TNFAIP8: variants seen among roughly 807,000 people sequenced by gnomAD.
The protein encoded by TNFAIP8 is TNF alpha induced protein 8.
TNFAIP8 carries 7 observed loss-of-function variants against 13.3 expected under a neutral mutation model. The observed-to-expected ratio is 0.52, with a 90% CI of 0.30 to 0.99. The LOEUF is 0.99. Among genes scored for constraint, TNFAIP8 ranks in the 50% least tolerant of loss-of-function variants. TNFAIP8 has a pLI of 0.07. For missense variants in TNFAIP8, 258 were observed against 236.9 expected (o/e 1.09, Z -0.58); for synonymous variants, 94 against 87.6 (o/e 1.07, Z -0.41).
chr5:119,320,571 C>T (rs1750024977), intron 1 of TNFAIP8, among the ~76,000 whole-genome samples: 1 of 152,156 alleles, frequency 6.6e-6, no homozygotes, highest in Non-Finnish European at 1.5e-5. Context: ...CTGTTAAGGT[C>T]ACCAAAGACC....
chr5:119,314,599 G>A (rs749556355), intron 1 of TNFAIP8, among the ~76,000 whole-genome samples: 7 of 152,240 alleles, frequency 4.6e-5, no homozygotes, highest in Non-Finnish European at 1.0e-4. Flanking sequence ...AGGTGGTAGA[G>A]TTGAGTTCAT....
At chr5:119,296,351 G>C (rs1347483203) in intron 1 of TNFAIP8, among the ~76,000 whole-genome samples, 1 of 151,846 alleles carries the variant, frequency 6.6e-6, no homozygotes. Context: ...GTTGAATTTT[G>C]TCAAAGGCCT....
chr5:119,288,711 C>T (rs546456861), intron 1 of TNFAIP8, among the ~76,000 whole-genome samples: 115 of 152,324 alleles, frequency 7.5e-4, no homozygotes, highest in African/African-American at 2.6e-3. Flanking sequence ...GGATCAATCT[C>T]TAACCTCTTT....
intron 1 of TNFAIP8, among the ~76,000 whole-genome samples, chr5:119,282,092 A>G (rs770920281): frequency 6.6e-6 from 1 of 152,220 alleles, no homozygotes; most frequent in Non-Finnish European, 1.5e-5. Context: ...ATATCATTTC[A>G]TTCAGTCAAC....
chr5:119,268,974 G>T, intron 1 of TNFAIP8: 1 of 652,212 alleles, frequency 1.5e-6, no homozygotes, highest in Admixed American at 2.4e-5. Flanking sequence ...GCTGGGCTGC[G>T]GGCTGCTCTC....
intron 1 of TNFAIP8, among the ~76,000 whole-genome samples, chr5:119,275,371 T>C (rs1052501397): frequency 1.3e-5 from 2 of 152,148 alleles, no homozygotes; most frequent in Admixed American, 1.3e-4. Flanking sequence ...AAATCCAGTA[T>C]GCCAGCTGAC....
At chr5:119,335,159 T>C (rs1472513432) in intron 1 of TNFAIP8, among the ~76,000 whole-genome samples, 1 of 152,188 alleles carries the variant, frequency 6.6e-6, no homozygotes, top group Non-Finnish European at 1.5e-5. Context: ...CCTGACCATG[T>C]TGCCATCTAG....
chr5:119,348,389 G>A (rs1247406883), intron 1 of TNFAIP8, among the ~76,000 whole-genome samples: 1 of 152,184 alleles, frequency 6.6e-6, no homozygotes, highest in Non-Finnish European at 1.5e-5. Context: ...GGTTAGAGTG[G>A]AAATAATTTG....
rs902014091 is a variant in TNFAIP8, at chr5:119,397,349, A to T, written c.*3968A>T. 4 of 152,246 alleles carry T rather than the reference A, an allele frequency of 2.6e-5. No individual in the cohort carries two copies. Among genetic ancestry groups the T allele is most frequent in the Non-Finnish European group, 5.9e-5 (4 of 68,050 alleles). 9.4% of individuals were successfully genotyped at this position (152,246 alleles called of 1,614,324 possible). ...CAAATGATGAAATATTTGTAGTAAA[A>T]AGTGCTATTCAATTGCCAGGAAATT... is the stretch of plus-strand genomic sequence containing the variant. On this transcript the variant is annotated 3_prime_UTR_variant, in exon 2 of 2. Coordinates refer to ENST00000504771, the MANE Select transcript of TNFAIP8 (RefSeq NM_014350.4).
intron 1 of TNFAIP8, among the ~76,000 whole-genome samples, chr5:119,320,509 A>G (rs755365893): frequency 1.3e-5 from 2 of 151,910 alleles, no homozygotes; most frequent in South Asian, 2.1e-4. Context: ...GGTGTGTACA[A>G]TCTCCCCTTC....
At chr5:119,273,983 A>C (rs2150799539) in intron 1 of TNFAIP8, among the ~76,000 whole-genome samples, 2 of 152,270 alleles carry the variant, frequency 1.3e-5, no homozygotes, top group South Asian at 4.1e-4. Flanking sequence ...CCTCATTCCT[A>C]ACTCTTATTT....
intron 1 of TNFAIP8, among the ~76,000 whole-genome samples, chr5:119,374,752 G>C (rs1752217461): frequency 6.6e-6 from 1 of 152,186 alleles, no homozygotes; most frequent in Non-Finnish European, 1.5e-5. Context: ...TGGCCGGGGG[G>C]CTAATTGGAG....
At chr5:119,376,665 A>G (rs1488212255) in intron 1 of TNFAIP8, among the ~76,000 whole-genome samples, 2 of 152,070 alleles carry the variant, frequency 1.3e-5, no homozygotes, top group East Asian at 3.9e-4. Context: ...GGAATAAACA[A>G]TAAATTGTAA....
At chr5:119,363,670 G>C (rs943208946) in intron 1 of TNFAIP8, among the ~76,000 whole-genome samples, 30 of 152,158 alleles carry the variant, frequency 2.0e-4, no homozygotes, top group African/African-American at 7.2e-4. Flanking sequence ...AATGTGAGAG[G>C]GTCTTTCTTA....
intron 1 of TNFAIP8, among the ~76,000 whole-genome samples, chr5:119,377,254 T>G (rs1752319162): frequency 6.6e-6 from 1 of 151,470 alleles, no homozygotes; most frequent in Admixed American, 6.6e-5. Context: ...AATGCAAAGA[T>G]TAACCAAGCA....
At chr5:119,280,925 T>C (rs911124636) in intron 1 of TNFAIP8, among the ~76,000 whole-genome samples, 2 of 152,170 alleles carry the variant, frequency 1.3e-5, no homozygotes, top group South Asian at 4.1e-4. Context: ...TTAATTGTTA[T>C]GAGCTCATGG....
chr5:119,282,817 CT>C (rs1427120034), intron 1 of TNFAIP8, among the ~76,000 whole-genome samples: 1 of 152,202 alleles, frequency 6.6e-6, no homozygotes, highest in African/African-American at 2.4e-5. Context: ...CTTGACTGAT[CT>C]TTTTGGTCTT....
rs1437821440 is a variant in TNFAIP8, at chr5:119,396,373, C to G, written c.*2992C>G. 6.6e-6 allele frequency: 1 copy of G among 152,166 alleles called. No homozygotes were observed. The highest frequency in any genetic ancestry group is 6.5e-5 in the Admixed American group (1 of 15,280). The allele number at this position is 152,166 out of a possible 1,614,324, so 9.4% of individuals were successfully genotyped here. On this transcript the variant is annotated 3_prime_UTR_variant, in exon 2 of 2. Transcript: ENST00000504771. Reference sequence around the variant, plus strand: ...CTCCTACTTTGGGGGCATCTTGTGGCTCAGTTTTCTGTCTCGTGGAACTTC... The same window carrying G: ...CTCCTACTTTGGGGGCATCTTGTGGGTCAGTTTTCTGTCTCGTGGAACTTC...
intron 1 of TNFAIP8, among the ~76,000 whole-genome samples, chr5:119,299,966 C>T (rs753840849): frequency 8.5e-5 from 13 of 152,352 alleles, no homozygotes; most frequent in Non-Finnish European, 1.5e-4. Flanking sequence ...GTCGGAAAAG[C>T]GCAGTATTAG....
Sources: gnomAD v4.1 joint callset for allele counts (sites outside exome capture counted in the v4.1 genomes callset) on GRCh38, gnomAD v4.1.1 for gene constraint, MANE v1.5 for transcripts, NCBI Gene and HGNC (gene_info 2026-07-23, HGNC 2026-07-21) for gene names.